The following SCARA5 variants were observed in gnomAD, a reference collection of about 807,000 sequenced individuals.
The protein encoded by SCARA5 is scavenger receptor class A, member 5 (putative).
In SCARA5, 45 loss-of-function variants were observed where a neutral mutation model predicts 46.3. The ratio of observed to expected loss-of-function variants is 0.97; its 90% CI spans 0.76 to 1.24. The LOEUF (loss-of-function observed/expected upper bound fraction) is 1.24. Among genes scored for constraint, SCARA5 ranks in the 50% most tolerant of loss-of-function variants. SCARA5 has a pLI of 0.00. For missense variants in SCARA5, 680 were observed against 689.0 expected (o/e 0.99, Z 0.15); for synonymous variants, 333 against 306.5 (o/e 1.09, Z -0.90).
chr8:27,938,526 G>A (rs1563532180), intron 3 of SCARA5, among the ~76,000 whole-genome samples: 1 of 152,166 alleles, frequency 6.6e-6, no homozygotes, highest in Non-Finnish European at 1.5e-5. Flanking sequence ...TCACATGCCT[G>A]TTTAGAGATA....
At chr8:27,974,193 G>A (rs1055515471) in intron 2 of SCARA5, among the ~76,000 whole-genome samples, 2 of 152,156 alleles carry the variant, frequency 1.3e-5, no homozygotes, top group Admixed American at 1.3e-4. Flanking sequence ...GGAAAAGCAT[G>A]GGTCTGGGGC....
At chr8:27,968,121 C>T (rs1435202946) in intron 2 of SCARA5, among the ~76,000 whole-genome samples, 1 of 152,164 alleles carries the variant, frequency 6.6e-6, no homozygotes, top group African/African-American at 2.4e-5. Context: ...ACCTCCTTGG[C>T]CTCAGGAGGT....
At chr8:27,873,482 T>G (rs924124020) in intron 8 of SCARA5, among the ~76,000 whole-genome samples, 8 of 152,134 alleles carry the variant, frequency 5.3e-5, no homozygotes, top group African/African-American at 1.9e-4. Flanking sequence ...CCTTAACTGA[T>G]GACATTACCT....
chr8:27,939,906 CA>C (rs1176342243), intron 3 of SCARA5, among the ~76,000 whole-genome samples: 2 of 152,194 alleles, frequency 1.3e-5, no homozygotes, highest in African/African-American at 4.8e-5. Flanking sequence ...TACTCCACCA[CA>C]ATCTGTCCCT....
At chr8:27,941,172 G>A (rs781269500) in intron 3 of SCARA5, among the ~76,000 whole-genome samples, 1 of 151,930 alleles carries the variant, frequency 6.6e-6, no homozygotes, top group South Asian at 2.1e-4. Context: ...AAGTGTAGAT[G>A]ATATAGAGGA....
intron 7 of SCARA5, among the ~76,000 whole-genome samples, chr8:27,891,569 C>T (rs527985055): frequency 3.7e-4 from 57 of 152,328 alleles, no homozygotes; most frequent in African/African-American, 1.4e-3. Context: ...CTTAAAGTGC[C>T]TGCCTGAGAA....
chr8:27,894,191 C>T (rs1447064818), intron 7 of SCARA5, among the ~76,000 whole-genome samples: 1 of 152,222 alleles, frequency 6.6e-6, no homozygotes, highest in Non-Finnish European at 1.5e-5. Flanking sequence ...TTAGTTATTA[C>T]AGCTCATTTA....
intron 2 of SCARA5, among the ~76,000 whole-genome samples, chr8:27,968,827 C>A (rs1808407361): frequency 6.6e-6 from 1 of 152,140 alleles, no homozygotes; most frequent in African/African-American, 2.4e-5. Context: ...GCAATGATGT[C>A]TATTTTTTCC....
chr8:27,964,327 C>T (rs1040802701), intron 3 of SCARA5, among the ~76,000 whole-genome samples: 1 of 152,124 alleles, frequency 6.6e-6, no homozygotes, highest in South Asian at 2.1e-4. Context: ...GCACCAGCTC[C>T]GTCCCAATCC....
At chr8:27,895,147 GAATAGA>G in intron 7 of SCARA5, among the ~76,000 whole-genome samples, 1 of 152,180 alleles carries the variant, frequency 6.6e-6, no homozygotes, top group Non-Finnish European at 1.5e-5. Flanking sequence ...AGGTTGTGGA[GAATAGA>G]AATAAACACA....
intron 7 of SCARA5, among the ~76,000 whole-genome samples, chr8:27,902,173 C>G (rs1192720302): frequency 6.6e-6 from 1 of 152,176 alleles, no homozygotes; most frequent in Non-Finnish European, 1.5e-5. Flanking sequence ...TGGGTTCTGT[C>G]TGAGTTCTGG....
intron 3 of SCARA5, among the ~76,000 whole-genome samples, chr8:27,956,634 T>G (rs1487758716): frequency 6.6e-6 from 1 of 152,234 alleles, no homozygotes; most frequent in Admixed American, 6.5e-5. Flanking sequence ...GATCAAATAC[T>G]TGACCTCAGG....
chr8:27,983,954 G>A (rs13259790), intron 2 of SCARA5, among the ~76,000 whole-genome samples: 57,488 of 151,944 alleles, frequency 0.38, 11,307 homozygotes, highest in Middle Eastern at 0.52. Context: ...TCCATTGAAG[G>A]AGGAAGACCT....
At chr8:27,928,219 T>G (rs1245991690) in intron 3 of SCARA5, among the ~76,000 whole-genome samples, 2 of 152,238 alleles carry the variant, frequency 1.3e-5, no homozygotes, top group African/African-American at 4.8e-5. Context: ...GGAATAATTC[T>G]TAGTTGAGTG....
chr8:27,904,627 G>T, intron 7 of SCARA5, 151 bp downstream of exon 7: 1 of 765,894 alleles, frequency 1.3e-6, no homozygotes, highest in East Asian at 2.4e-5. Context: ...TGCTAGACCA[G>T]CAGAGCCCTA....
intron 4 of SCARA5, among the ~76,000 whole-genome samples, chr8:27,913,669 T>G (rs1807414832): frequency 6.6e-6 from 1 of 152,154 alleles, no homozygotes; most frequent in Non-Finnish European, 1.5e-5. Flanking sequence ...TGTCTCCGTC[T>G]CTCTCCAGCC....
chr8:27,948,830 G>A (rs2129893562), intron 3 of SCARA5, among the ~76,000 whole-genome samples: 1 of 152,354 alleles, frequency 6.6e-6, no homozygotes, highest in Admixed American at 6.5e-5. Context: ...CCTTATCAAG[G>A]AAATTTAAAA....
chr8:27,961,095 C>T (rs770607302), intron 3 of SCARA5, among the ~76,000 whole-genome samples: 18 of 152,112 alleles, frequency 1.2e-4, no homozygotes, highest in Non-Finnish European at 2.1e-4. Flanking sequence ...GCAAAGAAAA[C>T]GAAGAAAAAG....
chr8:27,973,844 G>C (rs1228897568), intron 2 of SCARA5, among the ~76,000 whole-genome samples: 1 of 152,106 alleles, frequency 6.6e-6, no homozygotes, highest in African/African-American at 2.4e-5. Flanking sequence ...AAAATTCCTT[G>C]ATTTCTTTTC....
Sources: allele counts gnomAD v4.1 joint callset (sites outside exome capture counted in the v4.1 genomes callset), GRCh38; gene constraint gnomAD v4.1.1; transcripts MANE v1.5; gene names NCBI Gene and HGNC (gene_info 2026-07-23, HGNC 2026-07-21).